CLDN10: variants seen among roughly 807,000 people sequenced by gnomAD.
CLDN10 encodes claudin-10.
A neutral mutation model predicts 22.9 loss-of-function variants in CLDN10; 15 were observed. The observed-to-expected ratio is 0.65, with a 90% CI of 0.44 to 1.01. CLDN10 has a LOEUF of 1.01. CLDN10 is among the 50% of genes least tolerant of loss of function. CLDN10 has a pLI of 0.00. For missense variants in CLDN10, 247 were observed against 287.8 expected (o/e 0.86, Z 1.03); for synonymous variants, 114 against 111.4 (o/e 1.02, Z -0.15).
chr13:95,442,391 G>A (rs2042332594), intron 1 of CLDN10, among the ~76,000 whole-genome samples: 1 of 152,170 alleles, frequency 6.6e-6, no homozygotes, highest in Non-Finnish European at 1.5e-5. Flanking sequence ...CTCCTTTGCT[G>A]CGTGTCTTGT....
intron 1 of CLDN10, among the ~76,000 whole-genome samples, chr13:95,494,498 G>T (rs1425715029): frequency 6.6e-6 from 1 of 152,042 alleles, no homozygotes; most frequent in African/African-American, 2.4e-5. Context: ...AGGAGAACAT[G>T]GAAAACGTAT....
chr13:95,496,784 T>A (rs938353080), intron 1 of CLDN10, among the ~76,000 whole-genome samples: 4 of 152,208 alleles, frequency 2.6e-5, no homozygotes, highest in Admixed American at 6.5e-5. Flanking sequence ...TCAAATGCCA[T>A]CACATTGGGG....
intron 4 of CLDN10, 141 bp downstream of exon 4, chr13:95,577,479 A>C (rs759760433): frequency 1.6e-6 from 1 of 638,416 alleles, no homozygotes; most frequent in Non-Finnish European, 2.7e-6. Flanking sequence ...CAGTACAGTT[A>C]ATTTTTTAAA....
chr13:95,437,887 A>G (rs4098441), intron 1 of CLDN10, among the ~76,000 whole-genome samples: 100,008 of 152,024 alleles, frequency 0.66, 34,792 homozygotes, highest in African/African-American at 0.89. Flanking sequence ...TTAAGAGAAC[A>G]GATCTCCAAG....
At chr13:95,440,148 G>C (rs527756654) in intron 1 of CLDN10, among the ~76,000 whole-genome samples, 1 of 151,930 alleles carries the variant, frequency 6.6e-6, no homozygotes, top group African/African-American at 2.4e-5. Flanking sequence ...TCCTGACCTC[G>C]TGATCCACCC....
intron 1 of CLDN10, among the ~76,000 whole-genome samples, chr13:95,538,571 ATGCAGC>A (rs1369885127): frequency 6.6e-6 from 1 of 152,146 alleles, no homozygotes; most frequent in Non-Finnish European, 1.5e-5. Flanking sequence ...CACGCACCCC[ATGCAGC>A]TGCAAGGTCA....
chr13:95,463,226 A>G (rs2042550914), intron 1 of CLDN10, among the ~76,000 whole-genome samples: 1 of 142,276 alleles, frequency 7.0e-6, no homozygotes, highest in Non-Finnish European at 1.5e-5. Flanking sequence ...ACACATATAT[A>G]TGTATGTATA....
chr13:95,575,590 C>CGTGTGTGTGTGTGTGTGTGTGTGTGTGT (rs112441621), intron 3 of CLDN10, among the ~76,000 whole-genome samples: 34 of 151,738 alleles, frequency 2.2e-4, no homozygotes, highest in African/African-American at 8.0e-4. Context: ...CTGCTCAGTT[C>CGTGTGTGTGTGTGTGTGTGTGTGTGTGT]GTGTGTGTGT....
chr13:95,453,754 T>C, intron 1 of CLDN10, among the ~76,000 whole-genome samples: 1 of 151,894 alleles, frequency 6.6e-6, no homozygotes, highest in East Asian at 1.9e-4. Context: ...TAACACTGCT[T>C]CTAGGAAAGG....
chr13:95,548,737 G>A (rs534987672), upstream of CLDN10, among the ~76,000 whole-genome samples: 8 of 152,248 alleles, frequency 5.3e-5, no homozygotes, highest in Admixed American at 5.2e-4. Context: ...CTTGGCTCCT[G>A]GGCAGTTGTT....
intron 1 of CLDN10, among the ~76,000 whole-genome samples, chr13:95,445,634 T>C (rs1325758578): frequency 6.6e-6 from 1 of 152,240 alleles, no homozygotes; most frequent in African/African-American, 2.4e-5. Flanking sequence ...TTCCTTCTCC[T>C]AGTATGGTGT....
At chr13:95,437,882 A>G (rs1007496549) in intron 1 of CLDN10, among the ~76,000 whole-genome samples, 1 of 152,200 alleles carries the variant, frequency 6.6e-6, no homozygotes, top group Non-Finnish European at 1.5e-5. Context: ...ATAAATTAAG[A>G]GAACAGATCT....
At chr13:95,576,672 TC>T (rs1271838819) in intron 3 of CLDN10, among the ~76,000 whole-genome samples, 1 of 152,228 alleles carries the variant, frequency 6.6e-6, no homozygotes, top group Non-Finnish European at 1.5e-5. Context: ...GCTGCGGTCA[TC>T]GGCAGAGCAC....
intron 1 of CLDN10, among the ~76,000 whole-genome samples, chr13:95,510,194 G>A (rs927033622): frequency 2.0e-5 from 3 of 152,324 alleles, no homozygotes; most frequent in Admixed American, 1.3e-4. Flanking sequence ...GAATGATAGC[G>A]AGAGTCTGGC....
At chr13:95,563,095 A>ACTCTCTCTCTCTCTCTCTCT (rs34473629) in intron 3 of CLDN10, among the ~76,000 whole-genome samples, 122 of 128,114 alleles carry the variant, frequency 9.5e-4, no homozygotes, top group South Asian at 2.4e-3. Context: ...CTGCCTACCC[A>ACTCTCTCTCTCTCTCTCTCT]CTCTCTCTCT....
chr13:95,562,103 T>G (rs937055428), intron 3 of CLDN10, among the ~76,000 whole-genome samples: 1 of 148,828 alleles, frequency 6.7e-6, no homozygotes, highest in Non-Finnish European at 1.5e-5. Flanking sequence ...CTAATTTTTT[T>G]GTATTTTTAG....
intron 3 of CLDN10, among the ~76,000 whole-genome samples, chr13:95,568,088 G>A (rs576185202): frequency 3.5e-4 from 54 of 152,296 alleles, no homozygotes; most frequent in South Asian, 1.2e-3. Context: ...ACCTTGTCAA[G>A]ATGTTTAATT....
chr13:95,530,714 T>G (rs1326373965), intron 1 of CLDN10, among the ~76,000 whole-genome samples: 1 of 152,224 alleles, frequency 6.6e-6, no homozygotes, highest in Non-Finnish European at 1.5e-5. Flanking sequence ...TATTGTTTTA[T>G]CCATATGTTT....
intron 1 of CLDN10, among the ~76,000 whole-genome samples, chr13:95,556,457 C>T (rs1020193601): frequency 4.6e-5 from 7 of 152,166 alleles, no homozygotes; most frequent in Admixed American, 3.9e-4. Context: ...CTAGATTTAA[C>T]GTTATGCCAT....
Sources: gnomAD v4.1 joint callset for allele counts (sites outside exome capture counted in the v4.1 genomes callset) on GRCh38, gnomAD v4.1.1 for gene constraint, MANE v1.5 for transcripts, NCBI Gene and HGNC (gene_info 2026-07-23, HGNC 2026-07-21) for gene names.